KDM2B: variants seen among roughly 807,000 people sequenced by gnomAD.
KDM2B encodes the protein lysine-specific demethylase 2B.
A neutral mutation model predicts 150.0 loss-of-function variants in KDM2B; 26 were observed. That is an observed-to-expected ratio of 0.17 (90% confidence interval 0.13 to 0.24). KDM2B has a LOEUF of 0.24. Ranked by LOEUF, KDM2B falls within the 10% of genes least tolerant of loss-of-function variation. The pLI is 1.00. For synonymous variants in KDM2B, 734 were observed against 729.5 expected (o/e 1.01, Z -0.10); for missense variants, 1,265 against 1,816.9 (o/e 0.70, Z 5.52).
intron 15 of KDM2B, 82 bp from the exon 16 acceptor site, chr12:121,444,354 C>T (rs1373874073): frequency 1.2e-6 from 2 of 1,605,926 alleles, no homozygotes; most frequent in Non-Finnish European, 1.7e-6. Flanking sequence ...CCGACGGCAA[C>T]CCACCTGCCT....
In KDM2B at chr12:121,442,915, G is replaced by C. The variant is rs567994230; in HGVS notation, c.2604+77C>G. Reference sequence around the variant, plus strand: ...CCAAGGCCTCCCGCCCCCCTGCCACGGGACTGTGGCCCAGGGAGCTGCGGT... The same window carrying C: ...CCAAGGCCTCCCGCCCCCCTGCCACCGGACTGTGGCCCAGGGAGCTGCGGT... On this transcript the variant is annotated intron_variant, in intron 18 of 22. Transcript: ENST00000377071. The surrounding 1 kb of genome is among the most constrained non-coding windows in gnomAD (Gnocchi z 7.7). 8.9e-6 allele frequency: 14 copies of C among 1,577,836 alleles called. No individual in the cohort carries two copies. Among genetic ancestry groups the C allele is most frequent in the African/African-American group, 1.4e-5 (1 of 73,570 alleles).
chr12:121,446,318 A>T (rs1555290347), intron 13 of KDM2B, among the ~76,000 whole-genome samples: 1 of 152,212 alleles, frequency 6.6e-6, no homozygotes, highest in East Asian at 1.9e-4. Context: ...GAATGGCGTG[A>T]ACCCGGAAGA....
chr12:121,526,737 T>A (rs1443550305), intron 8 of KDM2B, among the ~76,000 whole-genome samples: 3 of 151,734 alleles, frequency 2.0e-5, no homozygotes, highest in Admixed American at 6.6e-5. Flanking sequence ...AAACAAAATT[T>A]AAAAATTTTT....
Position 121,453,750 on chromosome 12 carries a change from C to G in KDM2B, c.1735-406G>C, listed in dbSNP as rs1483249740. Among the ~76,000 whole-genome samples, 1 of 152,094 alleles carries G rather than the reference C, an allele frequency of 6.6e-6. No individual in the cohort carries two copies. The highest frequency in any genetic ancestry group is 1.5e-5 in the Non-Finnish European group (1 of 68,002). ...TCCCCTAGAGCCCGCAGAGCCAGCC[C>G]GGCCCGCCAGCCCACACCTTGACTT... On this transcript the variant is annotated intron_variant, in intron 12 of 22. Coordinates refer to ENST00000377071, the MANE Select transcript of KDM2B (RefSeq NM_032590.5). This position sits in a 1 kb window ranked among gnomAD's most constrained non-coding sequence, Gnocchi z 6.4.
chr12:121,517,281 C>A (rs1190778366), intron 9 of KDM2B, among the ~76,000 whole-genome samples: 1 of 152,064 alleles, frequency 6.6e-6, no homozygotes, highest in Non-Finnish European at 1.5e-5. Flanking sequence ...TGGAAATCCA[C>A]CATTCCCCAA....
intron 21 of KDM2B, 63 bp downstream of exon 21, chr12:121,440,753 G>C (rs1008566162): frequency 1.4e-5 from 20 of 1,449,648 alleles, no homozygotes; most frequent in Non-Finnish European, 1.3e-5. Context: ...GAGGGTAAAA[G>C]CAGATCCAAC....
At chr12:121,578,711 G>A in intron 2 of KDM2B, 91 bp downstream of exon 2, 1 of 1,170,286 alleles carries the variant, frequency 8.5e-7, no homozygotes, top group Non-Finnish European at 1.1e-6. Context: ...GGGGACGCGG[G>A]CGCGAAATAC....
At chr12:121,419,335 C>T in the KDM2B span, among the ~76,000 whole-genome samples, 7 of 152,272 alleles carry the variant, frequency 4.6e-5, no homozygotes, top group South Asian at 8.3e-4. Context: ...CTGTGATGTT[C>T]GCACAATGAC....
At chr12:121,580,167 A>G in intron 1 of KDM2B, 2 of 1,408,800 alleles carry the variant, frequency 1.4e-6, no homozygotes, top group Non-Finnish European at 1.8e-6. Context: ...AAATAAAGCA[A>G]GCCAGAGCCG....
At chr12:121,579,546 G>A in intron 1 of KDM2B, 16 of 1,265,994 alleles carry the variant, frequency 1.3e-5, no homozygotes, top group Non-Finnish European at 1.7e-5. Flanking sequence ...GAGGAGAATC[G>A]GGGCTTGGAA....
chr12:121,459,195 A>C (rs1878743787), intron 12 of KDM2B, among the ~76,000 whole-genome samples: 1 of 152,198 alleles, frequency 6.6e-6, no homozygotes, highest in Non-Finnish European at 1.5e-5. Context: ...TAGATCAATG[A>C]AACAGAATTG....
chr12:121,546,379 CTT>C (rs371614406), intron 6 of KDM2B, among the ~76,000 whole-genome samples: 6 of 97,476 alleles, frequency 6.2e-5, no homozygotes, highest in Non-Finnish European at 9.3e-5. Flanking sequence ...TTTTTTTTGC[CTT>C]TTTTTTTTTT....
intron 11 of KDM2B, among the ~76,000 whole-genome samples, chr12:121,498,874 G>A (rs1555301411): frequency 6.6e-6 from 1 of 151,874 alleles, no homozygotes; most frequent in Non-Finnish European, 1.5e-5. Flanking sequence ...GTGCTGCGGT[G>A]TGATCACAGC....
chr12:121,567,627 A>G (rs1890800654), intron 4 of KDM2B, among the ~76,000 whole-genome samples: 1 of 152,028 alleles, frequency 6.6e-6, no homozygotes, highest in Admixed American at 6.6e-5. Flanking sequence ...AGCCAAGAAG[A>G]GAGACCTTCA....
intron 13 of KDM2B, among the ~76,000 whole-genome samples, chr12:121,450,152 A>G (rs1192540012): frequency 6.6e-6 from 1 of 151,986 alleles, no homozygotes; most frequent in African/African-American, 2.4e-5. Context: ...TGCCTCTACC[A>G]AAAATACAAA....
chr12:121,425,586 T>C (rs1872473297), downstream of KDM2B, among the ~76,000 whole-genome samples: 2 of 75,276 alleles, frequency 2.7e-5, no homozygotes, highest in Non-Finnish European at 7.8e-5. Context: ...GCAGAAAGTT[T>C]GTGTGGCTAA....
chr12:121,495,556 T>C (rs1883844432), intron 11 of KDM2B, among the ~76,000 whole-genome samples: 1 of 152,206 alleles, frequency 6.6e-6, no homozygotes, highest in Non-Finnish European at 1.5e-5. Flanking sequence ...CTCCTTAGCC[T>C]ACCAAAATGC....
At chr12:121,465,789 G>T (rs1365882729) in intron 12 of KDM2B, among the ~76,000 whole-genome samples, 1 of 152,150 alleles carries the variant, frequency 6.6e-6, no homozygotes, top group African/African-American at 2.4e-5. Flanking sequence ...AAATGCCCCA[G>T]AAATGGCAAA....
chr12:121,416,398 C>T, the KDM2B span: 4 of 1,453,050 alleles, frequency 2.8e-6, no homozygotes, highest in Non-Finnish European at 3.9e-6. Flanking sequence ...TGAAATGTTA[C>T]ATAACAACAC....
Sources: allele counts gnomAD v4.1 joint callset (sites outside exome capture counted in the v4.1 genomes callset), GRCh38; gene constraint gnomAD v4.1.1; non-coding constraint Gnocchi (gnomAD v3.1); transcripts MANE v1.5; gene names NCBI Gene and HGNC (gene_info 2026-07-23, HGNC 2026-07-21).